ACSM3: variants seen among roughly 807,000 people sequenced by gnomAD.
The protein encoded by ACSM3 is acyl-coenzyme A synthetase ACSM3, mitochondrial.
In ACSM3, 61 loss-of-function variants were observed where a neutral mutation model predicts 74.1. That is an observed-to-expected ratio of 0.82 (90% CI 0.67 to 1.02). The LOEUF (loss-of-function observed/expected upper bound fraction) is 1.02. ACSM3 is among the 50% of genes least tolerant of loss of function. The pLI is 0.00. For missense variants in ACSM3, 660 were observed against 697.0 expected, an observed-to-expected ratio of 0.95 and a Z score of 0.60; for synonymous variants, 213 against 241.5, an observed-to-expected ratio of 0.88 and a Z score of 1.09.
intron 1 of ACSM3, among the ~76,000 whole-genome samples, chr16:20,730,896 C>G (rs1403006269): frequency 1.3e-5 from 2 of 152,104 alleles, no homozygotes; most frequent in Non-Finnish European, 2.9e-5. Context: ...TGCTGTCACC[C>G]AGGCAAAAAG....
At position 20,770,066 on chromosome 16, in the gene ACSM3, G is replaced by A. The variant is rs756159393; in HGVS notation, c.32G>A (p.Arg11His). 23 of 1,614,012 alleles carry A rather than the reference G, an allele frequency of 1.4e-5. No individual in the cohort carries two copies. The highest frequency in any genetic ancestry group is 4.5e-5 in the East Asian group (2 of 44,894). Residue 11 changes from arginine (R) to histidine (H), a missense_variant, in exon 2 of 14, where the codon CGT becomes CAT. By Grantham distance (29) the Arg-to-His change is conservative. Transcript: ENST00000289416. The stretch of plus-strand genomic sequence containing the variant: ...GCTCGTGTCACCAGGAAGATGCTAC[G>A]TCATGCCAAGTGTTTTCAGCGCCTA... MLARVTRKML[R>H]HAKCFQRLAI...
At chr16:20,792,622 AG>A (rs1168949506) in intron 12 of ACSM3, 1 of 985,292 alleles carries the variant, frequency 1.0e-6, no homozygotes, top group African/African-American at 1.7e-5. Flanking sequence ...CCAGTAACCC[AG>A]GCTCACGTCA....
intron 1 of ACSM3, among the ~76,000 whole-genome samples, chr16:20,704,634 CTT>C (rs944890337): frequency 6.6e-6 from 1 of 152,066 alleles, no homozygotes; most frequent in Non-Finnish European, 1.5e-5. Context: ...CCTGAGAACT[CTT>C]AATATGTCTT....
At chr16:20,711,934 C>T (rs916362255) in intron 1 of ACSM3, among the ~76,000 whole-genome samples, 4 of 152,272 alleles carry the variant, frequency 2.6e-5, no homozygotes, top group South Asian at 2.1e-4. Flanking sequence ...GAACCAACCA[C>T]GTATCCCACC....
Position 20,736,952 on chromosome 16 carries a change from C to T in ACSM3, c.-189-12958C>T, listed in dbSNP as rs572956879. On this transcript the variant is annotated intron_variant, in intron 1 of 3. Coordinates refer to the ACSM3 transcript ENST00000561584. ...TTGCAAGTTCAGGTTTGGCTCCTCCCTCATTTACCACCTGTGGATTAGACG... is the reference window on the plus strand; with the variant it reads ...TTGCAAGTTCAGGTTTGGCTCCTCCTTCATTTACCACCTGTGGATTAGACG... 6 of 1,614,112 alleles carry T rather than the reference C, an allele frequency of 3.7e-6. No homozygotes were observed. In the African/African-American group the frequency reaches 8.0e-5, roughly 22 times the overall value.
chr16:20,796,722 C>A, intron 13 of ACSM3, 164 bp from the exon 14 acceptor site: 2 of 1,489,928 alleles, frequency 1.3e-6, no homozygotes, highest in African/African-American at 1.4e-5. Context: ...ATCAAGACAA[C>A]TTTCCTAACA....
At chr16:20,725,461 C>T (rs568362678) in intron 1 of ACSM3, 17 of 210,728 alleles carry the variant, frequency 8.1e-5, no homozygotes, top group Admixed American at 6.2e-4. Context: ...CAGAAATTTC[C>T]ACTTGAACCA....
At chr16:20,695,560 C>T (rs150511508) in intron 1 of ACSM3, among the ~76,000 whole-genome samples, 1 of 152,200 alleles carries the variant, frequency 6.6e-6, no homozygotes, top group African/African-American at 2.4e-5. Flanking sequence ...ATCTGTCTAT[C>T]TATCTATCTA....
intron 1 of ACSM3, chr16:20,685,446 A>G (rs765191306): frequency 1.1e-5 from 18 of 1,582,662 alleles, no homozygotes; most frequent in Middle Eastern, 1.7e-4. Flanking sequence ...TGCTTCAAAG[A>G]AAAAGGGCAC....
rs115598895 is a variant in ACSM3, at chr16:20,733,327, G to A, written c.-189-16583G>A. ...ATAAAGATATATCCTAAATGTTCAAGACAATTTCTTCTACTTAACAACTTT... is the reference window on the plus strand; with the variant it reads ...ATAAAGATATATCCTAAATGTTCAAAACAATTTCTTCTACTTAACAACTTT... On this transcript the variant is annotated intron_variant, in intron 1 of 3. Coordinates refer to the ACSM3 transcript ENST00000561584. Among the ~76,000 whole-genome samples the A allele has an allele frequency of 3.7e-3, 556 of 151,844 alleles. 3 individuals are homozygous for A. The highest frequency in any genetic ancestry group is 0.012 in the African/African-American group (513 of 41,480).
chr16:20,685,138 C>A, intron 1 of ACSM3: 1 of 1,583,354 alleles, frequency 6.3e-7, no homozygotes, highest in Non-Finnish European at 8.7e-7. Flanking sequence ...TATCTCAGGA[C>A]CCATTGGTTC....
chr16:20,691,751 A>ATGTGTGTG lies in ACSM3; in HGVS notation c.-190+16977_-190+16984dup, dbSNP rs59929923. Among the ~76,000 whole-genome samples the ATGTGTGTG allele has an allele frequency of 4.0e-3, 538 of 134,062 alleles. 6 individuals carry two copies. Among genetic ancestry groups the ATGTGTGTG allele is most frequent in the East Asian group, 0.026 (107 of 4,164 alleles). 87.9% of individuals were successfully genotyped at this position (134,062 alleles called of 152,430 possible). A position where few individuals can be genotyped will look rare whatever the true frequency, so the allele number is the denominator to read the frequency against. Reference sequence around the variant, plus strand: ...CTGGGCCAATCATAATACCTCTCCAATGTGTGTGTGTGTGTGTGTGTGTGT... The same window carrying ATGTGTGTG: ...CTGGGCCAATCATAATACCTCTCCAATGTGTGTGTGTGTGTGTGTGTGTGTGTGTGTGT... On this transcript the variant is annotated intron_variant, in intron 1 of 3. Transcript: ENST00000561584.
At chr16:20,686,711 G>T (rs1434204251) in intron 1 of ACSM3, among the ~76,000 whole-genome samples, 2 of 152,122 alleles carry the variant, frequency 1.3e-5, no homozygotes, top group Non-Finnish European at 2.9e-5. Context: ...CTACTTGGGA[G>T]GCTGAGGCAG....
In ACSM3 at chr16:20,737,672, T is replaced by C. The variant is rs780168989; in HGVS notation, c.-189-12238T>C. On this transcript the variant is annotated intron_variant, in intron 1 of 3. Transcript: ENST00000561584. ...ATCCTTAAAAAACAAGTATTTACCA[T>C]TGAATGCCTATGGAAAATCACTAAG... The C allele has an allele frequency of 3.2e-6, 5 of 1,573,326 alleles. No homozygotes were observed. In the Admixed American group the frequency reaches 5.9e-5, roughly 19 times the overall value.
chr16:20,683,966 A>T lies in ACSM3; in HGVS notation c.-190+9144A>T, dbSNP rs16970539. 4.9e-3 allele frequency among the ~76,000 whole-genome samples: 749 copies of T among 152,248 alleles called. 20 individuals carry two copies. The East Asian group carries it at 0.075, about 15-fold the overall frequency. On this transcript the variant is annotated intron_variant, in intron 1 of 3. Transcript: ENST00000561584. ...CAGTTTTATTACTTCTTGATTTCAC[A>T]TGATCTGGCTGAATGAATCACCTAT... is the stretch of plus-strand genomic sequence containing the variant.
chr16:20,742,497 G>A (rs1168604281), intron 1 of ACSM3, among the ~76,000 whole-genome samples: 2 of 152,130 alleles, frequency 1.3e-5, no homozygotes, highest in Non-Finnish European at 2.9e-5. Flanking sequence ...CAAAAAATTA[G>A]CCAGGCGTGG....
rs548103204 is a variant in ACSM3 at position 20,728,259 on chromosome 16, T to C, written c.-189-21651T>C. The C allele has an allele frequency of 2.1e-5, 9 of 438,566 alleles. 1 individual carries two copies. In the South Asian group the frequency reaches 2.7e-4, roughly 13 times the overall value. 27.2% of individuals were successfully genotyped at this position (438,566 alleles called of 1,614,324 possible). A position where few individuals can be genotyped will look rare whatever the true frequency, so the allele number is the denominator to read the frequency against. On this transcript the variant is annotated intron_variant, in intron 1 of 3. Coordinates refer to the ACSM3 transcript ENST00000561584. Reference sequence around the variant, plus strand: ...GATGTCCAGGTAGGTTGAGAAAATATCTGACCGGTTCAATAAAGCAGAAAG... The same window carrying C: ...GATGTCCAGGTAGGTTGAGAAAATACCTGACCGGTTCAATAAAGCAGAAAG...
At chr16:20,750,535 G>C (rs79211750) in intron 2 of ACSM3, among the ~76,000 whole-genome samples, 2,439 of 152,268 alleles carry the variant, frequency 0.016, 36 homozygotes, top group Non-Finnish European at 0.024. Context: ...TCAGGCTTAG[G>C]GGAGAGCGGG....
At chr16:20,741,568 C>G (rs2079924272) in intron 1 of ACSM3, 1 of 1,581,702 alleles carries the variant, frequency 6.3e-7, no homozygotes, top group Non-Finnish European at 8.6e-7. Context: ...GCCTCCTCCA[C>G]GCACTTGCGC....
Sources: allele counts gnomAD v4.1 joint callset (sites outside exome capture counted in the v4.1 genomes callset), GRCh38; gene constraint gnomAD v4.1.1; transcripts MANE v1.5; gene names NCBI Gene and HGNC (gene_info 2026-07-23, HGNC 2026-07-21).